The following DTNA variants were observed in gnomAD, a reference collection of about 807,000 sequenced individuals.
DTNA encodes dystrobrevin alpha, also known as dystrophin-related protein 3.
In DTNA, 43 loss-of-function variants were observed where a neutral mutation model predicts 100.7. The ratio of observed to expected loss-of-function variants is 0.43; its 90% CI spans 0.33 to 0.55. The LOEUF (loss-of-function observed/expected upper bound fraction) is 0.55. Ranked by LOEUF, DTNA falls within the 20% of genes least tolerant of loss-of-function variation. The probability of loss-of-function intolerance (pLI) is 0.04; values close to 1 mark genes in which losing one functional copy is unlikely to be tolerated. For missense variants in DTNA, 798 were observed against 953.9 expected (o/e 0.84, Z 2.15); for synonymous variants, 349 against 347.9 (o/e 1.00, Z -0.04).
At chr18:34,719,086 G>A (rs2084695491) in intron 1 of DTNA, among the ~76,000 whole-genome samples, 1 of 151,984 alleles carries the variant, frequency 6.6e-6, no homozygotes, top group Non-Finnish European at 1.5e-5. Context: ...CCAGTACTTT[G>A]GGAGGCTAAG....
At chr18:34,638,738 T>G (rs1463088929) in intron 1 of DTNA, among the ~76,000 whole-genome samples, 7 of 152,206 alleles carry the variant, frequency 4.6e-5, no homozygotes. Context: ...AAAGCAATAT[T>G]CCACTATTCA....
chr18:34,677,682 AT>A (rs1033013283), intron 1 of DTNA, among the ~76,000 whole-genome samples: 99 of 151,590 alleles, frequency 6.5e-4, no homozygotes, highest in African/African-American at 2.2e-3. Flanking sequence ...TCCGACTCCA[AT>A]TTTTTTTTAA....
intron 3 of DTNA, among the ~76,000 whole-genome samples, chr18:34,781,935 A>G (rs2094340576): frequency 6.6e-6 from 1 of 152,210 alleles, no homozygotes; most frequent in Non-Finnish European, 1.5e-5. Flanking sequence ...AGTAGGAGAC[A>G]GTTCCTCATG....
intron 7 of DTNA, 113 bp from the exon 8 acceptor site, chr18:34,818,051 A>G (rs2095634295): frequency 9.4e-6 from 15 of 1,594,140 alleles, no homozygotes; most frequent in Non-Finnish European, 1.1e-5. Context: ...ATCAACTATC[A>G]TCTGAAATCG....
intron 9 of DTNA, among the ~76,000 whole-genome samples, chr18:34,825,794 G>C (rs529206426): frequency 6.6e-6 from 1 of 152,146 alleles, no homozygotes; most frequent in East Asian, 1.9e-4. Flanking sequence ...TTTAGACAGA[G>C]CAAGAAGGAA....
At position 34,880,309 on chromosome 18, in the gene DTNA, G is replaced by A. The variant is rs1173330237; in HGVS notation, c.2162+590G>A. Among the ~76,000 whole-genome samples the A allele has an allele frequency of 3.3e-5, 5 of 152,138 alleles. No individual in the cohort carries two copies. The East Asian group carries it at 5.8e-4, about 18-fold the overall frequency. On this transcript the variant is annotated intron_variant, in intron 20 of 22. Transcript: ENST00000444659. ...GTCAGAAACCAGCAGCATCAGTAAC[G>A]TCCCCACTAGACTTTCTGTGACCCT...
chr18:34,783,847 C>T (rs1451874296), intron 3 of DTNA, among the ~76,000 whole-genome samples: 1 of 152,250 alleles, frequency 6.6e-6, no homozygotes, highest in South Asian at 2.1e-4. Context: ...GAGGCCTGAA[C>T]AAGGGCATAA....
chr18:34,553,407 T>G (rs1168137789), intron 1 of DTNA, among the ~76,000 whole-genome samples: 21 of 150,220 alleles, frequency 1.4e-4, no homozygotes, highest in Non-Finnish European at 2.1e-4. Flanking sequence ...GTCAATTTTG[T>G]CTTTTGTTGC....
At chr18:34,739,539 C>T (rs1029170010) in intron 1 of DTNA, among the ~76,000 whole-genome samples, 2 of 152,190 alleles carry the variant, frequency 1.3e-5, no homozygotes, top group African/African-American at 4.8e-5. Context: ...TCTGTGGACC[C>T]TTGTAATTAT....
intron 1 of DTNA, among the ~76,000 whole-genome samples, chr18:34,606,838 T>C (rs2053219981): frequency 6.6e-6 from 1 of 152,060 alleles, no homozygotes; most frequent in South Asian, 2.1e-4. Flanking sequence ...TAGGGTGAAC[T>C]CTGAGGCTAA....
At chr18:34,865,435 C>T (rs1195268641) in intron 17 of DTNA, among the ~76,000 whole-genome samples, 1 of 151,848 alleles carries the variant, frequency 6.6e-6, no homozygotes, top group African/African-American at 2.4e-5. Context: ...GTTTTCCTTA[C>T]TCTATTTTAT....
chr18:34,616,362 A>T (rs1047744551), intron 1 of DTNA, among the ~76,000 whole-genome samples: 5 of 152,344 alleles, frequency 3.3e-5, no homozygotes, highest in Non-Finnish European at 1.5e-5. Flanking sequence ...GACAAATGGG[A>T]TGTAGTTAAA....
At chr18:34,606,092 T>A (rs1239743633) in intron 1 of DTNA, among the ~76,000 whole-genome samples, 1 of 152,160 alleles carries the variant, frequency 6.6e-6, no homozygotes, top group Non-Finnish European at 1.5e-5. Flanking sequence ...AAATCAGGGA[T>A]GTTTTATAAA....
At chr18:34,839,309 A>G (rs1464636075) in intron 13 of DTNA, among the ~76,000 whole-genome samples, 1 of 152,260 alleles carries the variant, frequency 6.6e-6, no homozygotes, top group Non-Finnish European at 1.5e-5. Flanking sequence ...TAACAATGAT[A>G]ACAGTGGGAA....
chr18:34,741,202 A>G (rs371772275), intron 1 of DTNA, among the ~76,000 whole-genome samples: 47 of 152,200 alleles, frequency 3.1e-4, no homozygotes, highest in African/African-American at 1.1e-3. Context: ...GCTTTGGGGG[A>G]TCATAAAGTT....
intron 5 of DTNA, among the ~76,000 whole-genome samples, chr18:34,809,177 G>A (rs2095431006): frequency 6.6e-6 from 1 of 152,208 alleles, no homozygotes; most frequent in Non-Finnish European, 1.5e-5. Context: ...TTAATGGAAT[G>A]AGCGAATGTG....
At chr18:34,556,447 T>G (rs1348322683) in intron 1 of DTNA, among the ~76,000 whole-genome samples, 1 of 150,962 alleles carries the variant, frequency 6.6e-6, no homozygotes, top group African/African-American at 2.4e-5. Context: ...CGTTAGTTGA[T>G]GCAGTTTCTT....
intron 4 of DTNA, among the ~76,000 whole-genome samples, chr18:34,805,001 ATTAT>A (rs2095324707): frequency 6.6e-6 from 1 of 152,164 alleles, no homozygotes; most frequent in African/African-American, 2.4e-5. Flanking sequence ...ATTCATATAA[ATTAT>A]TTATTCCATG....
intron 3 of DTNA, among the ~76,000 whole-genome samples, chr18:34,790,567 A>ATTTT (rs1212453384): frequency 3.5e-4 from 14 of 39,656 alleles, no homozygotes; most frequent in Non-Finnish European, 6.3e-4. Flanking sequence ...ATATATATAT[A>ATTTT]TTTTTTTTTT....
Sources: allele counts gnomAD v4.1 joint callset (sites outside exome capture counted in the v4.1 genomes callset), GRCh38; gene constraint gnomAD v4.1.1; transcripts MANE v1.5; gene names NCBI Gene and HGNC (gene_info 2026-07-23, HGNC 2026-07-21).